Variants in RAB38 observed in about 807,000 individuals in gnomAD.
RAB38 encodes ras-related protein Rab-38.
A neutral mutation model predicts 18.4 loss-of-function variants in RAB38; 15 were observed. The observed-to-expected ratio is 0.82, with a 90% confidence interval of 0.55 to 1.26. The LOEUF is 1.26. Among genes scored for constraint, RAB38 ranks in the 50% most tolerant of loss-of-function variants. RAB38 has a pLI of 0.00. For missense variants in RAB38, 294 were observed against 267.4 expected (o/e 1.10, Z -0.69); for synonymous variants, 101 against 104.4 (o/e 0.97, Z 0.20).
At chr11:88,141,089 C>T (rs927628728) in intron 2 of RAB38, among the ~76,000 whole-genome samples, 39 of 152,206 alleles carry the variant, frequency 2.6e-4, no homozygotes, top group African/African-American at 9.4e-4. Flanking sequence ...TTTCTTCCTC[C>T]CACAGACTCA....
At chr11:87,946,514 G>A in the RAB38 span, among the ~76,000 whole-genome samples, 3 of 151,928 alleles carry the variant, frequency 2.0e-5, no homozygotes, top group Non-Finnish European at 2.9e-5. Flanking sequence ...AGCATTAGGC[G>A]TATCTCCTAA....
At chr11:87,899,155 T>G in the RAB38 span, among the ~76,000 whole-genome samples, 145,267 of 151,636 alleles carry the variant, frequency 0.96, 69,608 homozygotes, top group East Asian at 1. Context: ...AGTAAAGCTG[T>G]GTATCTACTT....
the RAB38 span, among the ~76,000 whole-genome samples, chr11:87,831,383 A>G: frequency 2.0e-5 from 3 of 152,154 alleles, no homozygotes; most frequent in African/African-American, 7.2e-5. Context: ...AGGGTTGTGG[A>G]ATAGACTAAA....
chr11:87,944,315 G>A, the RAB38 span, among the ~76,000 whole-genome samples: 1 of 152,054 alleles, frequency 6.6e-6, no homozygotes, highest in Non-Finnish European at 1.5e-5. Context: ...GCCCAATAAG[G>A]CAAACCACAA....
chr11:87,931,345 C>G, the RAB38 span, among the ~76,000 whole-genome samples: 2 of 152,016 alleles, frequency 1.3e-5, no homozygotes, highest in African/African-American at 2.4e-5. Context: ...TTTCATCATA[C>G]CTACTGTCAT....
the RAB38 span, among the ~76,000 whole-genome samples, chr11:87,956,983 T>TTGG: frequency 2.0e-5 from 3 of 149,080 alleles, no homozygotes; most frequent in East Asian, 5.9e-4. Flanking sequence ...TGCAGTTTTT[T>TTGG]GGGGGGGGGT....
rs367630281 is a variant in RAB38 at position 88,151,954 on chromosome 11, A to AT, written c.203-2000dup. Among the ~76,000 whole-genome samples, 245 of 152,310 alleles carry AT rather than the reference A, an allele frequency of 1.6e-3. 1 individual carries two copies. The highest frequency in any genetic ancestry group is 5.6e-3 in the African/African-American group (231 of 41,556). On this transcript the variant is annotated intron_variant, in intron 1 of 2. Transcript: ENST00000243662. The stretch of plus-strand genomic sequence containing the variant: ...CTTACGTGGGTTATACCAGAGACGC[A>AT]TTTTTTTATCCCACAGTTGCCTAGT...
the RAB38 span, among the ~76,000 whole-genome samples, chr11:88,056,576 G>A: frequency 6.6e-6 from 1 of 152,004 alleles, no homozygotes; most frequent in South Asian, 2.1e-4. Context: ...AGGCTGAGGC[G>A]GGCAGATCAC....
the RAB38 span, among the ~76,000 whole-genome samples, chr11:87,953,342 C>A: frequency 6.6e-6 from 1 of 152,116 alleles, no homozygotes; most frequent in Non-Finnish European, 1.5e-5. Flanking sequence ...ATGGGAGATA[C>A]TTCAATTCTT....
At chr11:87,827,281 T>C in the RAB38 span, among the ~76,000 whole-genome samples, 2 of 151,968 alleles carry the variant, frequency 1.3e-5, no homozygotes, top group Non-Finnish European at 2.9e-5. Flanking sequence ...AGTTTTTATT[T>C]TTATTTTTAT....
At chr11:87,844,931 A>G in the RAB38 span, among the ~76,000 whole-genome samples, 1 of 152,232 alleles carries the variant, frequency 6.6e-6, no homozygotes, top group South Asian at 2.1e-4. Flanking sequence ...TCAAACTAGC[A>G]TAGCAAAGGT....
chr11:87,905,847 TGTACTCTGACTGCAAATTAGATTCTGTA>T, the RAB38 span, among the ~76,000 whole-genome samples: 1 of 151,978 alleles, frequency 6.6e-6, no homozygotes, highest in African/African-American at 2.4e-5. Context: ...TTGATTCTCT[TGTACTCTGACTGCAAATTAGATTCTGTA>T]GTACTCTGAC....
At chr11:87,957,907 T>A in the RAB38 span, among the ~76,000 whole-genome samples, 1 of 152,144 alleles carries the variant, frequency 6.6e-6, no homozygotes, top group African/African-American at 2.4e-5. Flanking sequence ...GATATCGTGT[T>A]CTGATCCCTG....
the RAB38 span, among the ~76,000 whole-genome samples, chr11:87,895,109 C>T: frequency 1.3e-5 from 2 of 151,458 alleles, no homozygotes; most frequent in African/African-American, 4.8e-5. Context: ...TAAAAGGAAG[C>T]AGAAAAGCAC....
chr11:88,019,819 T>A, the RAB38 span, among the ~76,000 whole-genome samples: 3 of 152,216 alleles, frequency 2.0e-5, no homozygotes, highest in African/African-American at 7.2e-5. Context: ...ATGAGTCTTG[T>A]ATGACCTATC....
the RAB38 span, among the ~76,000 whole-genome samples, chr11:87,955,691 TATCATCTGTCA>T: frequency 6.6e-6 from 1 of 152,100 alleles, no homozygotes; most frequent in Non-Finnish European, 1.5e-5. Flanking sequence ...TCAATCTTTC[TATCATCTGTCA>T]ATCATCCATT....
At chr11:88,103,625 T>C in the RAB38 span, among the ~76,000 whole-genome samples, 3 of 152,138 alleles carry the variant, frequency 2.0e-5, no homozygotes, top group African/African-American at 4.8e-5. Context: ...TACTAAGCCA[T>C]TGAAACTTTG....
the RAB38 span, among the ~76,000 whole-genome samples, chr11:87,923,937 T>C: frequency 1.4e-5 from 2 of 146,110 alleles, no homozygotes; most frequent in Non-Finnish European, 3.0e-5. Context: ...GGTCAGAGAG[T>C]GACTGAAGAT....
chr11:87,960,494 T>C, the RAB38 span, among the ~76,000 whole-genome samples: 4 of 152,054 alleles, frequency 2.6e-5, no homozygotes, highest in Admixed American at 2.0e-4. Context: ...ATAACAATGA[T>C]GATAAGAGCC....
Sources: allele counts gnomAD v4.1 joint callset (sites outside exome capture counted in the v4.1 genomes callset), GRCh38; gene constraint gnomAD v4.1.1; transcripts MANE v1.5; gene names NCBI Gene and HGNC (gene_info 2026-07-23, HGNC 2026-07-21).